Variants in UNC5C observed in about 807,000 individuals in gnomAD.
UNC5C encodes netrin receptor UNC5C.
Under a neutral mutation model 99.8 loss-of-function variants are expected in UNC5C, and 47 were observed. The ratio of observed to expected loss-of-function variants is 0.47; its 90% CI spans 0.37 to 0.60. UNC5C has a LOEUF of 0.60. Ranked by LOEUF, UNC5C falls within the 20% of genes least tolerant of loss-of-function variation. The pLI is 0.00. For missense variants in UNC5C, 1,062 were observed against 1,165.9 expected, an observed-to-expected ratio of 0.91 and a Z score of 1.30; for synonymous variants, 487 against 452.2, an observed-to-expected ratio of 1.08 and a Z score of -0.98.
intron 6 of UNC5C, among the ~76,000 whole-genome samples, chr4:95,243,408 TAGTAAATTTC>T (rs1240876710): frequency 6.6e-6 from 1 of 152,154 alleles, no homozygotes; most frequent in Non-Finnish European, 1.5e-5. Context: ...AAAAAAGATA[TAGTAAATTTC>T]AATCACACTT....
At chr4:95,186,783 G>C (rs1187248567) in intron 12 of UNC5C, among the ~76,000 whole-genome samples, 1 of 152,168 alleles carries the variant, frequency 6.6e-6, no homozygotes, top group Admixed American at 6.5e-5. Flanking sequence ...TGGCTGATGA[G>C]TAGCTATGGC....
chr4:95,192,591 C>T (rs537770713), intron 12 of UNC5C, among the ~76,000 whole-genome samples: 105 of 146,062 alleles, frequency 7.2e-4, no homozygotes, highest in African/African-American at 2.5e-3. Flanking sequence ...TCCTCACCTT[C>T]TCACCTCCTT....
chr4:95,357,722 G>T (rs1203134471), intron 1 of UNC5C, among the ~76,000 whole-genome samples: 2 of 152,058 alleles, frequency 1.3e-5, no homozygotes, highest in African/African-American at 4.8e-5. Context: ...AGCCCAGGAG[G>T]TTGAGGCTGT....
At position 95,448,525 on chromosome 4, in the gene UNC5C, C is replaced by T. The variant is rs993374471; in HGVS notation, c.124+100209G>A. 6.6e-5 allele frequency among the ~76,000 whole-genome samples: 10 copies of T among 152,120 alleles called. No individual in the cohort carries two copies. In the East Asian group the frequency reaches 1.2e-3, roughly 18 times the overall value. On this transcript the variant is annotated intron_variant, in intron 1 of 15. Transcript: ENST00000453304. ...ATTCTAGTGATGGCACATAATGGAT[C>T]GAGTTAAGGAAAGATAAGCAAAATG...
In UNC5C at chr4:95,453,851, C is replaced by T. The variant is rs190116089; in HGVS notation, c.124+94883G>A. Among the ~76,000 whole-genome samples, 298 of 152,194 alleles carry T rather than the reference C, an allele frequency of 2.0e-3. 1 individual carries two copies. The highest frequency in any genetic ancestry group is 3.3e-3 in the Non-Finnish European group (225 of 67,992). ...TATTACTAGGATTTCACATCCTAGT[C>T]CTCCATGTCTCATTCCTCAAGAAAA... On this transcript the variant is annotated intron_variant, in intron 1 of 15. Coordinates refer to ENST00000453304, the MANE Select transcript of UNC5C (RefSeq NM_003728.4).
intron 1 of UNC5C, among the ~76,000 whole-genome samples, chr4:95,528,329 T>C (rs531337029): frequency 2.0e-5 from 3 of 152,284 alleles, no homozygotes; most frequent in Admixed American, 2.0e-4. Context: ...CTTAACTCTA[T>C]CAATTTTCGC....
At chr4:95,448,225 TGTGA>T (rs1560836823) in intron 1 of UNC5C, among the ~76,000 whole-genome samples, 204 of 105,716 alleles carry the variant, frequency 1.9e-3, no homozygotes, top group Middle Eastern at 5.2e-3. Context: ...TGTGTGTGTG[TGTGA>T]GAGAGAGAGA....
chr4:95,354,693 GGGT>G (rs1744116794), intron 1 of UNC5C, among the ~76,000 whole-genome samples: 1 of 151,756 alleles, frequency 6.6e-6, no homozygotes, highest in Admixed American at 6.6e-5. Context: ...ATGCTGCCCA[GGGT>G]GGTCTCAAAC....
intron 1 of UNC5C, among the ~76,000 whole-genome samples, chr4:95,394,644 G>T (rs1326580669): frequency 9.3e-6 from 1 of 107,468 alleles, no homozygotes; most frequent in Admixed American, 9.0e-5. Context: ...CTATGAAAAG[G>T]TATTTGCTGT....
At position 95,258,392 on chromosome 4, in the gene UNC5C, GTCTT is replaced by G. The variant is rs549461284; in HGVS notation, c.595-7729_595-7726del. Among the ~76,000 whole-genome samples, 176 of 152,228 alleles carry G rather than the reference GTCTT, an allele frequency of 1.2e-3. 1 individual carries two copies. Among genetic ancestry groups the G allele is most frequent in the African/African-American group, 4.0e-3 (168 of 41,546 alleles). ...ACAAACTGATTTATACAAGAAAGTAGTCTTTCTGAGTTAGAAATTATTTTTAGTT... is the reference window on the plus strand; with the variant it reads ...ACAAACTGATTTATACAAGAAAGTAGTCTGAGTTAGAAATTATTTTTAGTT... On this transcript the variant is annotated intron_variant, in intron 4 of 15. Transcript: ENST00000453304.
At chr4:95,428,974 T>C (rs990172000) in intron 1 of UNC5C, among the ~76,000 whole-genome samples, 4 of 152,098 alleles carry the variant, frequency 2.6e-5, no homozygotes, top group Non-Finnish European at 5.9e-5. Flanking sequence ...CTTTCTTTCA[T>C]GGGCTGACTT....
intron 1 of UNC5C, among the ~76,000 whole-genome samples, chr4:95,398,559 T>G (rs1274893320): frequency 6.6e-6 from 1 of 152,186 alleles, no homozygotes. Flanking sequence ...ATTGTTGACT[T>G]GCTAATACTG....
intron 5 of UNC5C, 138 bp downstream of exon 5, chr4:95,250,349 C>G (rs1254496895): frequency 1.1e-6 from 1 of 888,668 alleles, no homozygotes; most frequent in Non-Finnish European, 1.7e-6. Flanking sequence ...CATGCCATTG[C>G]ACGCCAGCCT....
intron 13 of UNC5C, among the ~76,000 whole-genome samples, chr4:95,184,292 A>G (rs1579208106): frequency 6.6e-6 from 1 of 152,224 alleles, no homozygotes; most frequent in African/African-American, 2.4e-5. Context: ...TCTTCCCATC[A>G]GTCTTCCAGT....
intron 1 of UNC5C, among the ~76,000 whole-genome samples, chr4:95,433,941 G>A (rs1170984294): frequency 6.6e-6 from 1 of 151,814 alleles, no homozygotes; most frequent in Non-Finnish European, 1.5e-5. Flanking sequence ...CCTTCCTTTT[G>A]TCCCTCCTCA....
At position 95,242,600 on chromosome 4, in the gene UNC5C, T is replaced by C. The variant is rs758003960; in HGVS notation, c.944-7A>G. ...GGCGTCCACCTGCCATCCACTGCCA[T>C]GGAAAAAATGCAGCAGGAGGTCAGA... On this transcript the variant is annotated splice_region_variant and splice_polypyrimidine_tract_variant and intron_variant, in intron 6 of 15. Transcript: ENST00000453304. 16 of 1,556,976 alleles carry C rather than the reference T, an allele frequency of 1.0e-5. No individual in the cohort carries two copies. In the Admixed American group the frequency reaches 2.7e-4, roughly 26 times the overall value.
At chr4:95,394,390 T>C (rs1745449718) in intron 1 of UNC5C, among the ~76,000 whole-genome samples, 1 of 152,154 alleles carries the variant, frequency 6.6e-6, no homozygotes, top group Non-Finnish European at 1.5e-5. Context: ...ATTGGAAAAC[T>C]CCTCTTGGGA....
chr4:95,459,438 C>G (rs11939141), intron 1 of UNC5C, among the ~76,000 whole-genome samples: 13,014 of 152,110 alleles, frequency 0.086, 761 homozygotes, highest in African/African-American at 0.16. Context: ...AGGTATCAGA[C>G]TAGACTGGCT....
chr4:95,190,968 TC>T (rs1737063952), intron 12 of UNC5C, among the ~76,000 whole-genome samples: 2 of 152,120 alleles, frequency 1.3e-5, no homozygotes, highest in African/African-American at 4.8e-5. Context: ...CAAGACATTA[TC>T]CATGCCAAGC....
Sources: gnomAD v4.1 joint callset for allele counts (sites outside exome capture counted in the v4.1 genomes callset) on GRCh38, gnomAD v4.1.1 for gene constraint, MANE v1.5 for transcripts, NCBI Gene and HGNC (gene_info 2026-07-23, HGNC 2026-07-21) for gene names.